CCDC7: variants seen among roughly 807,000 people sequenced by gnomAD.
CCDC7 encodes the protein coiled-coil domain containing 7.
A neutral mutation model predicts 196.9 loss-of-function variants in CCDC7; 183 were observed. That is an observed-to-expected ratio of 0.93 (90% CI 0.82 to 1.05). The LOEUF (loss-of-function observed/expected upper bound fraction) is 1.05. Among genes scored for constraint, CCDC7 ranks in the 50% least tolerant of loss-of-function variants. CCDC7 has a pLI of 0.00. For synonymous variants in CCDC7, 525 were observed against 484.6 expected (o/e 1.08, Z -1.10); for missense variants, 1,540 against 1,482.2 (o/e 1.04, Z -0.64).
intron 23 of CCDC7, among the ~76,000 whole-genome samples, chr10:32,690,320 T>C (rs2076939323): frequency 6.6e-6 from 1 of 152,198 alleles, no homozygotes; most frequent in Non-Finnish European, 1.5e-5. Flanking sequence ...TATGCATTGA[T>C]GACAGATATT....
At chr10:32,797,562 G>A (rs1240983674) in intron 29 of CCDC7, among the ~76,000 whole-genome samples, 4 of 150,670 alleles carry the variant, frequency 2.7e-5, no homozygotes, top group Admixed American at 6.6e-5. Flanking sequence ...ATTGGGTGCA[G>A]TGTATACTGC....
At chr10:32,714,211 C>T (rs1591953508) in intron 25 of CCDC7, among the ~76,000 whole-genome samples, 1 of 152,116 alleles carries the variant, frequency 6.6e-6, no homozygotes, top group Admixed American at 6.5e-5. Flanking sequence ...CGGTTCGTCT[C>T]ATTGGGACTG....
chr10:32,472,410 TTA>T, intron 6 of CCDC7, 69 bp from the exon 8 acceptor site: 1 of 1,357,624 alleles, frequency 7.4e-7, no homozygotes, highest in Non-Finnish European at 9.8e-7. Flanking sequence ...CACATTTTAG[TTA>T]TTTTAGTGTA....
chr10:32,796,049 A>G (rs1212750831), intron 29 of CCDC7, among the ~76,000 whole-genome samples: 1 of 152,170 alleles, frequency 6.6e-6, no homozygotes, highest in Admixed American at 6.5e-5. Context: ...TTGAGGGCTA[A>G]GGATGATAGG....
intron 41 of CCDC7, among the ~76,000 whole-genome samples, chr10:32,871,147 A>G (rs905079886): frequency 2.6e-5 from 4 of 152,112 alleles, no homozygotes; most frequent in South Asian, 2.1e-4. Context: ...CTCTTTTTCT[A>G]TTGATTGGAG....
intron 11 of CCDC7, among the ~76,000 whole-genome samples, chr10:32,529,535 AT>A (rs1385302606): frequency 6.6e-6 from 1 of 152,048 alleles, no homozygotes; most frequent in Non-Finnish European, 1.5e-5. Flanking sequence ...GATGTTGAGC[AT>A]TTTTTTATGT....
At chr10:32,473,061 A>G (rs1480249088) in intron 7 of CCDC7, among the ~76,000 whole-genome samples, 1 of 152,226 alleles carries the variant, frequency 6.6e-6, no homozygotes, top group Admixed American at 6.5e-5. Context: ...GAACATACAA[A>G]ATGAATACAA....
intron 29 of CCDC7, among the ~76,000 whole-genome samples, chr10:32,796,833 G>A (rs946901299): frequency 5.3e-5 from 8 of 152,160 alleles, no homozygotes; most frequent in Non-Finnish European, 7.4e-5. Flanking sequence ...TTTATAAGTC[G>A]AAAAGACATC....
intron 23 of CCDC7, among the ~76,000 whole-genome samples, chr10:32,693,807 T>C (rs936385601): frequency 6.6e-6 from 1 of 152,106 alleles, no homozygotes; most frequent in Non-Finnish European, 1.5e-5. Context: ...ATGGTCCCTG[T>C]CTGAGTGAGT....
intron 29 of CCDC7, among the ~76,000 whole-genome samples, chr10:32,792,002 C>G (rs1169034961): frequency 2.0e-5 from 3 of 151,932 alleles, no homozygotes; most frequent in Non-Finnish European, 4.4e-5. Context: ...ACATTTCCAT[C>G]AGATTTCTTT....
chr10:32,827,671 C>T (rs1336625788), intron 32 of CCDC7, among the ~76,000 whole-genome samples: 2 of 151,862 alleles, frequency 1.3e-5, no homozygotes, highest in African/African-American at 4.8e-5. Flanking sequence ...GGAGGTATAG[C>T]GTTGGGAGAA....
chr10:32,461,746 TATATAC>T (rs1208971853), intron 3 of CCDC7, among the ~76,000 whole-genome samples: 5,080 of 68,348 alleles, frequency 0.074, 105 homozygotes, highest in East Asian at 0.12. Flanking sequence ...TATATATATA[TATATAC>T]ATATATATAT....
rs112227892 is a variant in CCDC7 at position 32,631,844 on chromosome 10, A to G, written c.1802-2410A>G. On this transcript the variant is annotated intron_variant, in intron 18 of 41. Transcript: ENST00000639629. ...TTCAATGATTCTTTGTATTTTTAGT[A>G]TACAGGACTTTATACTTATTTTTTT... 1.1e-3 allele frequency among the ~76,000 whole-genome samples: 163 copies of G among 152,180 alleles called. 1 individual carries two copies. Among genetic ancestry groups the G allele is most frequent in the Non-Finnish European group, 2.0e-3 (135 of 67,958 alleles).
intron 32 of CCDC7, 52 bp downstream of exon 33, chr10:32,824,656 G>A (rs1358533698): frequency 1.7e-6 from 2 of 1,204,770 alleles, no homozygotes; most frequent in Non-Finnish European, 2.4e-6. Flanking sequence ...CTTCTCTGGA[G>A]TTTAAGTATG....
In CCDC7 at chr10:32,673,573, A is replaced by G. The variant is rs374248216; in HGVS notation, c.2122+9412A>G. ...CCTTTTTGGATAGTTCGTTGTTAGT[A>G]TATTAAAACAAAACCAATTTGTGTA... On this transcript the variant is annotated intron_variant, in intron 21 of 41. Transcript: ENST00000639629. Among the ~76,000 whole-genome samples the G allele has an allele frequency of 1.2e-4, 18 of 151,918 alleles. 1 individual carries two copies. Among genetic ancestry groups the G allele is most frequent in the Admixed American group, 7.9e-4 (12 of 15,216 alleles).
At chr10:32,843,567 A>C (rs1437055901) in intron 33 of CCDC7, among the ~76,000 whole-genome samples, 1 of 152,050 alleles carries the variant, frequency 6.6e-6, no homozygotes, top group Admixed American at 6.6e-5. Flanking sequence ...ATTTAAAAAG[A>C]ATTAAAGCAA....
chr10:32,824,637 G>C, intron 32 of CCDC7, 33 bp downstream of exon 33: 1 of 1,413,894 alleles, frequency 7.1e-7, no homozygotes, highest in Non-Finnish European at 1.0e-6. Flanking sequence ...TCTACTTATG[G>C]TTTCCTATCT....
chr10:32,532,169 G>A (rs539852622), intron 11 of CCDC7, among the ~76,000 whole-genome samples: 59 of 151,878 alleles, frequency 3.9e-4, no homozygotes, highest in Non-Finnish European at 6.3e-4. Context: ...TAACATTGGC[G>A]TTTATTGCTA....
chr10:32,567,761 TG>T lies in CCDC7; in HGVS notation c.1292del (p.Gly431ValfsTer51). 3 of 1,613,298 alleles carry T rather than the reference TG, an allele frequency of 1.9e-6. No homozygotes were observed. Among genetic ancestry groups the T allele is most frequent in the Non-Finnish European group, 2.5e-6 (3 of 1,179,686 alleles). ...GGGAAAACTGAGACAACAATGCAAG[TG>T]GGTAATAGTCAAACAAAAGTTAAAG... On this transcript the variant is annotated frameshift_variant, in exon 15 of 42. Coordinates refer to ENST00000639629, the Ensembl canonical transcript of CCDC7. LOFTEE classifies it high-confidence loss of function.
Sources: gnomAD v4.1 joint callset for allele counts (sites outside exome capture counted in the v4.1 genomes callset) on GRCh38, gnomAD v4.1.1 for gene constraint, MANE v1.5 for transcripts, NCBI Gene and HGNC (gene_info 2026-07-23, HGNC 2026-07-21) for gene names.